Variants in ALK observed in about 807,000 individuals in gnomAD.
ALK encodes ALK receptor tyrosine kinase, also known as ALK tyrosine kinase receptor.
A neutral mutation model predicts 163.1 loss-of-function variants in ALK; 74 were observed. The ratio of observed to expected loss-of-function variants is 0.45; its 90% CI spans 0.38 to 0.55. ALK has a LOEUF of 0.55. ALK is among the 20% of genes least tolerant of loss of function. ALK has a pLI of 0.00. For missense variants in ALK, 2,063 were observed against 2,105.3 expected (o/e 0.98, Z 0.39); for synonymous variants, 960 against 843.2 (o/e 1.14, Z -2.40).
intron 1 of ALK, among the ~76,000 whole-genome samples, chr2:29,725,262 T>C (rs1377859644): frequency 6.6e-6 from 1 of 151,962 alleles, no homozygotes; most frequent in East Asian, 1.9e-4. Context: ...TTCAGCCTTA[T>C]TTCCCATTCA....
intron 11 of ALK, among the ~76,000 whole-genome samples, chr2:29,252,462 A>G (rs1226345762): frequency 6.6e-6 from 1 of 152,236 alleles, no homozygotes; most frequent in Non-Finnish European, 1.5e-5. Context: ...AACATTTTGA[A>G]GACTGCACTA....
At chr2:29,564,667 T>C (rs1027569287) in intron 3 of ALK, among the ~76,000 whole-genome samples, 4 of 152,176 alleles carry the variant, frequency 2.6e-5, no homozygotes, top group East Asian at 1.9e-4. Flanking sequence ...AGTCTTGGAA[T>C]AGCATAACTC....
chr2:29,861,445 G>A (rs1187368410), intron 1 of ALK, among the ~76,000 whole-genome samples: 1 of 151,872 alleles, frequency 6.6e-6, no homozygotes, highest in African/African-American at 2.4e-5. Flanking sequence ...AATGAAAGAG[G>A]AGAATTACAA....
intron 1 of ALK, among the ~76,000 whole-genome samples, chr2:29,914,164 T>C (rs1344110663): frequency 2.0e-5 from 3 of 152,214 alleles, no homozygotes; most frequent in Non-Finnish European, 2.9e-5. Context: ...AGGACATTAA[T>C]TCATGGGGAG....
rs1222058330 is a variant in ALK, at chr2:29,217,766, GGGAGTATCA to G, written c.3645+2931_3645+2939del. ...CACAGTAGGTCATCAGGGAACCCCT[GGGAGTATCA>G]GGAGTATCAGGGTGATTCCAACAAG... is the stretch of plus-strand genomic sequence containing the variant. On this transcript the variant is annotated intron_variant, in intron 23 of 28. Coordinates refer to ENST00000389048, the MANE Select transcript of ALK (RefSeq NM_004304.5). Among the ~76,000 whole-genome samples the G allele has an allele frequency of 9.2e-5, 14 of 152,254 alleles. No homozygotes were observed. The East Asian group carries it at 2.3e-3, about 25-fold the overall frequency.
intron 3 of ALK, among the ~76,000 whole-genome samples, chr2:29,590,376 T>C (rs1428044862): frequency 6.6e-6 from 1 of 152,182 alleles, no homozygotes; most frequent in African/African-American, 2.4e-5. Context: ...TTAAAAAAAT[T>C]TTTTACCTTC....
chr2:29,723,831 C>A (rs1001069190), intron 1 of ALK, among the ~76,000 whole-genome samples: 17 of 152,164 alleles, frequency 1.1e-4, no homozygotes. Flanking sequence ...GTCTTGGTCT[C>A]TTTTCTATAT....
chr2:29,555,970 G>A (rs999615946), intron 3 of ALK, among the ~76,000 whole-genome samples: 7 of 152,190 alleles, frequency 4.6e-5, no homozygotes, highest in African/African-American at 1.4e-4. Flanking sequence ...TGTGTAGAAA[G>A]AAACAATCTA....
At chr2:29,684,362 G>C (rs569218638) in intron 3 of ALK, among the ~76,000 whole-genome samples, 1 of 152,156 alleles carries the variant, frequency 6.6e-6, no homozygotes, top group African/African-American at 2.4e-5. Context: ...CTGATGTCAC[G>C]TGTCAGCCAA....
chr2:29,379,958 A>G (rs1399905415), intron 5 of ALK, among the ~76,000 whole-genome samples: 3 of 152,194 alleles, frequency 2.0e-5, no homozygotes, highest in Admixed American at 2.0e-4. Context: ...AAGAGGATTA[A>G]TTGGCTCATG....
In ALK at chr2:29,394,978, C is replaced by G. The variant is rs964128385; in HGVS notation, c.1155-11119G>C. ...ATCCCTCCTTCAGTCCAGTCTGCCTCCAGCTTGAGGCCTGAGTCTTGAGCA... is the reference window on the plus strand; with the variant it reads ...ATCCCTCCTTCAGTCCAGTCTGCCTGCAGCTTGAGGCCTGAGTCTTGAGCA... On this transcript the variant is annotated intron_variant, in intron 4 of 28. Transcript: ENST00000389048. Among the ~76,000 whole-genome samples, 8 of 152,064 alleles carry G rather than the reference C, an allele frequency of 5.3e-5. No individual in the cohort carries two copies. The South Asian group carries it at 1.7e-3, about 32-fold the overall frequency.
chr2:29,682,269 G>C (rs1573552216), intron 3 of ALK, among the ~76,000 whole-genome samples: 1 of 152,202 alleles, frequency 6.6e-6, no homozygotes, highest in South Asian at 2.1e-4. Flanking sequence ...TCATTTGAGG[G>C]CTGGGCAATT....
chr2:29,400,678 A>G (rs1011420534), intron 4 of ALK, among the ~76,000 whole-genome samples: 2 of 152,168 alleles, frequency 1.3e-5, no homozygotes, highest in Non-Finnish European at 2.9e-5. Flanking sequence ...CTATCTCCCA[A>G]TAAAAGCAGA....
chr2:29,882,906 C>T (rs1006735136), intron 1 of ALK, among the ~76,000 whole-genome samples: 2 of 152,186 alleles, frequency 1.3e-5, no homozygotes, highest in Non-Finnish European at 2.9e-5. Flanking sequence ...TCAAACTTAA[C>T]TGATCATCAT....
chr2:29,881,756 T>C (rs1306453696), intron 1 of ALK, among the ~76,000 whole-genome samples: 1 of 152,178 alleles, frequency 6.6e-6, no homozygotes, highest in Non-Finnish European at 1.5e-5. Context: ...ACCCTCTTCA[T>C]CTTTTCCAAG....
chr2:29,373,144 CAAT>C (rs1481350000), intron 5 of ALK, among the ~76,000 whole-genome samples: 1 of 152,120 alleles, frequency 6.6e-6, no homozygotes, highest in African/African-American at 2.4e-5. Flanking sequence ...TTACCCAAAA[CAAT>C]AATATTTTTA....
At chr2:29,513,815 C>G (rs1672586987) in intron 4 of ALK, among the ~76,000 whole-genome samples, 1 of 140,130 alleles carries the variant, frequency 7.1e-6, no homozygotes. Context: ...AAAAAACAAA[C>G]AACCCCATCA....
intron 3 of ALK, among the ~76,000 whole-genome samples, chr2:29,592,758 T>C (rs918468675): frequency 6.6e-6 from 1 of 152,162 alleles, no homozygotes; most frequent in African/African-American, 2.4e-5. Context: ...TAAGCTTACA[T>C]GGACTGTAAA....
intron 3 of ALK, among the ~76,000 whole-genome samples, chr2:29,584,360 C>T (rs1277785132): frequency 1.3e-5 from 2 of 152,168 alleles, no homozygotes; most frequent in African/African-American, 2.4e-5. Context: ...ATGGTTGGTT[C>T]ATCTGGATCT....
Sources: gnomAD v4.1 joint callset for allele counts (sites outside exome capture counted in the v4.1 genomes callset) on GRCh38, gnomAD v4.1.1 for gene constraint, MANE v1.5 for transcripts, NCBI Gene and HGNC (gene_info 2026-07-23, HGNC 2026-07-21) for gene names.